KIF13B: variants seen among roughly 807,000 people sequenced by gnomAD.
KIF13B encodes kinesin-like protein KIF13B.
A neutral mutation model predicts 222.0 loss-of-function variants in KIF13B; 127 were observed. The ratio of observed to expected loss-of-function variants is 0.57; its 90% CI spans 0.50 to 0.66. The LOEUF is 0.66. Among genes scored for constraint, KIF13B ranks in the 30% least tolerant of loss-of-function variants. The probability of loss-of-function intolerance (pLI) is 0.00; values close to 1 mark genes in which losing one functional copy is unlikely to be tolerated. For missense variants in KIF13B, 2,173 were observed against 2,379.0 expected (o/e 0.91, Z 1.80); for synonymous variants, 976 against 919.0 (o/e 1.06, Z -1.12).
intron 11 of KIF13B, 99 bp from the exon 12 acceptor site, chr8:29,165,871 T>A: frequency 1.3e-6 from 1 of 794,490 alleles, no homozygotes; most frequent in Non-Finnish European, 2.1e-6. Flanking sequence ...TGCCTCCTCA[T>A]GGCTGAATGT....
At position 29,070,550 on chromosome 8, in the gene KIF13B, T is replaced by C; in HGVS notation, c.5435A>G (p.Asp1812Gly). Reference sequence around the variant, plus strand: ...GTTCTCAGGGTTCTTGTGGCTCCTGTCGGCCTTGGCCAGGGCAGCTGTCAG... The same window carrying C: ...GTTCTCAGGGTTCTTGTGGCTCCTGCCGGCCTTGGCCAGGGCAGCTGTCAG... ...ASLTAALAKA[D>G]RSHKNPENRK... The change falls in exon 40 of 40, where the codon GAC becomes GGC. Residue 1812 changes from aspartate (D) to glycine (G), a missense_variant. Physicochemically the swap from Asp to Gly is moderately conservative, Grantham distance 94. This residue lies in a region of KIF13B where 693 missense variants were observed against 656.2 expected (regional missense o/e 1.06). Coordinates refer to ENST00000524189, the MANE Select transcript of KIF13B (RefSeq NM_015254.4). This position sits in a 1 kb window ranked among gnomAD's most constrained non-coding sequence, Gnocchi z 4.1. The C allele has an allele frequency of 6.2e-7, 1 of 1,609,082 alleles. No homozygotes were observed. Among genetic ancestry groups the C allele is most frequent in the Non-Finnish European group, 8.5e-7 (1 of 1,178,330 alleles).
At chr8:29,124,221 G>A in intron 26 of KIF13B, 98 bp from the exon 27 acceptor site, 1 of 694,544 alleles carries the variant, frequency 1.4e-6, no homozygotes, top group South Asian at 1.9e-5. Flanking sequence ...GCCTTGGAAA[G>A]GTAAGGTAGT....
intron 29 of KIF13B, among the ~76,000 whole-genome samples, chr8:29,120,864 T>C (rs1809826940): frequency 9.7e-5 from 3 of 30,802 alleles, no homozygotes; most frequent in African/African-American, 2.6e-4. Context: ...TTTTTAATGA[T>C]TGCCATTCTA....
At chr8:29,246,960 C>T (rs1031634260) in intron 1 of KIF13B, among the ~76,000 whole-genome samples, 6 of 152,102 alleles carry the variant, frequency 3.9e-5, no homozygotes, top group African/African-American at 1.4e-4. Flanking sequence ...GATCAAAGGG[C>T]TAAATGTAAA....
At chr8:29,073,816 G>A (rs2133475624) in intron 38 of KIF13B, among the ~76,000 whole-genome samples, 1 of 152,172 alleles carries the variant, frequency 6.6e-6, no homozygotes, top group African/African-American at 2.4e-5. Context: ...CACTTTCAGG[G>A]TAGGAAATTA....
chr8:29,214,351 T>C (rs1814378923), intron 2 of KIF13B, among the ~76,000 whole-genome samples: 2 of 152,238 alleles, frequency 1.3e-5, no homozygotes. Flanking sequence ...ATATCCTTAT[T>C]CTAGAAGTTT....
chr8:29,240,661 G>T (rs376656257), intron 2 of KIF13B, among the ~76,000 whole-genome samples: 3 of 152,318 alleles, frequency 2.0e-5, no homozygotes, highest in African/African-American at 7.2e-5. Flanking sequence ...CCAGAACGCG[G>T]GGTTCTAAAT....
chr8:29,223,303 T>C (rs1367345049), intron 2 of KIF13B, among the ~76,000 whole-genome samples: 1 of 127,502 alleles, frequency 7.8e-6, no homozygotes, highest in Admixed American at 9.7e-5. Flanking sequence ...ACCACTGCAC[T>C]CCAGCCTGAG....
intron 12 of KIF13B, among the ~76,000 whole-genome samples, chr8:29,161,839 T>G (rs1811796986): frequency 6.6e-6 from 1 of 152,130 alleles, no homozygotes; most frequent in South Asian, 2.1e-4. Context: ...GGGCCATTTC[T>G]CTCACACAGG....
chr8:29,109,306 C>A (rs1287414650), intron 34 of KIF13B, 128 bp downstream of exon 34: 1 of 725,710 alleles, frequency 1.4e-6, no homozygotes, highest in African/African-American at 1.7e-5. Flanking sequence ...GACCAGGGGC[C>A]CTGACATCAG....
At chr8:29,185,850 G>A (rs1207362058) in intron 6 of KIF13B, among the ~76,000 whole-genome samples, 1 of 152,152 alleles carries the variant, frequency 6.6e-6, no homozygotes, top group Non-Finnish European at 1.5e-5. Context: ...CAGATTTCTA[G>A]ATACCGTGCA....
At chr8:29,112,539 C>T (rs1483498622) in intron 32 of KIF13B, among the ~76,000 whole-genome samples, 4 of 151,730 alleles carry the variant, frequency 2.6e-5, no homozygotes, top group African/African-American at 4.8e-5. Context: ...CCTGAAATGA[C>T]GGGAACTGGT....
intron 2 of KIF13B, among the ~76,000 whole-genome samples, chr8:29,218,104 A>C (rs1272779770): frequency 6.6e-6 from 1 of 152,234 alleles, no homozygotes; most frequent in East Asian, 1.9e-4. Context: ...AGAGAATTAC[A>C]GTAATTAAGG....
At chr8:29,113,900 A>C (rs144692854) in intron 31 of KIF13B, among the ~76,000 whole-genome samples, 307 of 152,308 alleles carry the variant, frequency 2.0e-3, no homozygotes, top group Non-Finnish European at 2.9e-3. Flanking sequence ...CCTTCTAACT[A>C]AGATGGAAGC....
At chr8:29,100,473 GT>G (rs879881712) in intron 35 of KIF13B, among the ~76,000 whole-genome samples, 38 of 145,798 alleles carry the variant, frequency 2.6e-4, no homozygotes, top group South Asian at 4.4e-4. Flanking sequence ...TTAACTCGAG[GT>G]TTTTTTTTTT....
chr8:29,122,177 C>A (rs927588558), intron 29 of KIF13B, among the ~76,000 whole-genome samples: 2 of 152,006 alleles, frequency 1.3e-5, no homozygotes, highest in African/African-American at 4.8e-5. Context: ...CCGCTTGAAC[C>A]GGGGAGGTGG....
intron 6 of KIF13B, among the ~76,000 whole-genome samples, chr8:29,184,147 A>G (rs1812832095): frequency 6.6e-6 from 1 of 151,980 alleles, no homozygotes; most frequent in Admixed American, 6.6e-5. Flanking sequence ...CTTTTTCTTA[A>G]TGTATCCTCT....
At chr8:29,086,715 T>C (rs1206581895) in intron 37 of KIF13B, among the ~76,000 whole-genome samples, 1 of 152,226 alleles carries the variant, frequency 6.6e-6, no homozygotes, top group Non-Finnish European at 1.5e-5. Flanking sequence ...TCTAAGTCTT[T>C]AAGCCATATT....
intron 2 of KIF13B, among the ~76,000 whole-genome samples, chr8:29,222,734 C>G (rs914962529): frequency 1.3e-5 from 2 of 151,924 alleles, no homozygotes; most frequent in African/African-American, 4.8e-5. Flanking sequence ...TGGGTACATG[C>G]CAAAGACTTC....
Sources: gnomAD v4.1 joint callset for allele counts (sites outside exome capture counted in the v4.1 genomes callset) on GRCh38, gnomAD v4.1.1 for gene constraint, gnomAD v4.1.1 regional missense constraint, Gnocchi (gnomAD v3.1) non-coding constraint, MANE v1.5 for transcripts, NCBI Gene and HGNC (gene_info 2026-07-23, HGNC 2026-07-21) for gene names.